The following RSPH4A variants were observed in gnomAD, a reference collection of about 807,000 sequenced individuals.
The protein encoded by RSPH4A is radial spoke head component 4A.
Under a neutral mutation model 71.0 loss-of-function variants are expected in RSPH4A, and 47 were observed. That is an observed-to-expected ratio of 0.66 (90% CI 0.52 to 0.84). The LOEUF (loss-of-function observed/expected upper bound fraction) is 0.84. RSPH4A is among the 40% of genes least tolerant of loss of function. RSPH4A has a pLI of 0.00. For synonymous variants in RSPH4A, 282 were observed against 302.3 expected (o/e 0.93, Z 0.70); for missense variants, 793 against 855.2 (o/e 0.93, Z 0.91).
In RSPH4A at chr6:116,632,662, T is replaced by A; in HGVS notation, c.*221T>A. ...CTCACAGGATTTTCCAGAGGCTAAA[T>A]AACATGCAATTGCATAATTGTTCTG... On this transcript the variant is annotated 3_prime_UTR_variant, in exon 6 of 6. Coordinates refer to ENST00000229554, the MANE Select transcript of RSPH4A (RefSeq NM_001010892.3). 4 of 535,262 alleles carry A rather than the reference T, an allele frequency of 7.5e-6. No homozygotes were observed. The highest frequency in any genetic ancestry group is 1.3e-5 in the Non-Finnish European group (4 of 304,976). 33.2% of individuals were successfully genotyped at this position (535,262 alleles called of 1,614,324 possible). A position where few individuals can be genotyped will look rare whatever the true frequency, so the allele number is the denominator to read the frequency against.
In RSPH4A at chr6:116,616,858, A is replaced by G; in HGVS notation, c.235A>G (p.Thr79Ala). 2 of 1,614,116 alleles carry G rather than the reference A, an allele frequency of 1.2e-6. No individual in the cohort carries two copies. The highest frequency in any genetic ancestry group is 2.2e-5 in the East Asian group (1 of 44,864). ...TPLGGPAGPE[T>A]SSPAPVSPRE... ...TCTGGGTGGCCCCGCGGGACCAGAA[A>G]CATCATCACCTGCTCCTGTCTCTCC... The change falls in exon 1 of 6, where the codon ACA (threonine) becomes GCA (alanine). Residue 79 changes from threonine (T) to alanine (A), a missense_variant. Transcript: ENST00000229554.
Position 116,628,027 on chromosome 6 carries a change from AT to A in RSPH4A, c.1321del (p.Trp441GlyfsTer2). ...TTGTTTGCAATGAACCAGGAAGACCATGGGTGAAGTTACCACCAGTTATACC... is the reference window on the plus strand; with the variant it reads ...TTGTTTGCAATGAACCAGGAAGACCAGGGTGAAGTTACCACCAGTTATACC... Reference protein sequence around the residue: ...YFVCNEPGRPWVKLPPVIPAQ... With the variant: ...YFVCNEPGRPXVKLPPVIPAQ... On this transcript the variant is annotated frameshift_variant, in exon 3 of 6. Coordinates refer to ENST00000229554, the MANE Select transcript of RSPH4A (RefSeq NM_001010892.3). LOFTEE classifies it high-confidence loss of function. 6.2e-7 allele frequency: 1 copy of A among 1,614,228 alleles called. No individual in the cohort carries two copies. The highest frequency in any genetic ancestry group is 2.2e-5 in the East Asian group (1 of 44,880).
At chr6:116,619,843 C>T (rs1183400651) in intron 1 of RSPH4A, among the ~76,000 whole-genome samples, 2 of 152,110 alleles carry the variant, frequency 1.3e-5, no homozygotes, top group African/African-American at 2.4e-5. Flanking sequence ...CTCAGCCTCC[C>T]AAGTAGCTGG....
intron 2 of RSPH4A, among the ~76,000 whole-genome samples, chr6:116,626,343 CT>C (rs1190434142): frequency 6.6e-6 from 1 of 152,008 alleles, no homozygotes; most frequent in African/African-American, 2.4e-5. Flanking sequence ...AAATGTGTTT[CT>C]TTTTTTCTTT....
In RSPH4A at chr6:116,616,526, C is replaced by A; in HGVS notation, c.-98C>A. ...CACAGAGCAACCAGGACCCAGAAAT[C>A]GCTTAAGAGACCGCGGCAAAGTAAC... On this transcript the variant is annotated 5_prime_UTR_variant, in exon 1 of 6. Coordinates refer to ENST00000229554, the MANE Select transcript of RSPH4A (RefSeq NM_001010892.3). 1 of 1,057,850 alleles carries A rather than the reference C, an allele frequency of 9.5e-7. No homozygotes were observed. The highest frequency in any genetic ancestry group is 1.4e-6 in the Non-Finnish European group (1 of 700,504). 65.5% of individuals were successfully genotyped at this position (1,057,850 alleles called of 1,614,324 possible).
chr6:116,630,057 C>G (rs147479068), intron 4 of RSPH4A, among the ~76,000 whole-genome samples: 86 of 152,258 alleles, frequency 5.6e-4, no homozygotes, highest in African/African-American at 2.0e-3. Context: ...ACTCTCATTC[C>G]TATATTCTTG....
chr6:116,620,525 C>T (rs1215194272), intron 1 of RSPH4A, among the ~76,000 whole-genome samples: 1 of 152,140 alleles, frequency 6.6e-6, no homozygotes, highest in African/African-American at 2.4e-5. Flanking sequence ...ATTGAACTAA[C>T]AGGCTATAGG....
intron 1 of RSPH4A, 40 bp downstream of exon 1, chr6:116,617,349 C>A: frequency 6.9e-7 from 1 of 1,457,036 alleles, no homozygotes; most frequent in Admixed American, 1.8e-5. Context: ...TTTGGCAAAG[C>A]AAGAGGGTGT....
rs371216757 is a variant in RSPH4A, at chr6:116,622,799, A to G, written c.718A>G (p.Ile240Val). ...TCATCTTTCTAATATGTTGACCAAG[A>G]TATTAAATGAGCGTCCTGAAAATGC... ...YDHLSNMLTK[I>V]LNERPENAVD... Residue 240 changes from isoleucine to valine, a missense_variant, in exon 2 of 6, where the codon ATA becomes GTA. Physicochemically the swap from Ile to Val is conservative, Grantham distance 29. Transcript: ENST00000229554. 1.2e-6 allele frequency: 2 copies of G among 1,609,840 alleles called. No individual in the cohort carries two copies. The highest frequency in any genetic ancestry group is 1.1e-5 in the South Asian group (1 of 90,952).
rs1775503699 is a variant in RSPH4A, at chr6:116,616,500, T to G, written c.-124T>G. 1 of 862,348 alleles carries G rather than the reference T, an allele frequency of 1.2e-6. No individual in the cohort carries two copies. Among genetic ancestry groups the G allele is most frequent in the African/African-American group, 1.7e-5 (1 of 59,164 alleles). The allele number at this position is 862,348 out of a possible 1,614,324, so 53.4% of individuals were successfully genotyped here. ...TGCTATGGAGATAGGACGCAGCAAC[T>G]CACAGAGCAACCAGGACCCAGAAAT... On this transcript the variant is annotated 5_prime_UTR_variant, in exon 1 of 6. Coordinates refer to ENST00000229554, the MANE Select transcript of RSPH4A (RefSeq NM_001010892.3).
intron 1 of RSPH4A, among the ~76,000 whole-genome samples, chr6:116,617,990 C>T (rs983058288): frequency 1.3e-5 from 2 of 152,134 alleles, no homozygotes; most frequent in African/African-American, 4.8e-5. Flanking sequence ...TCCAGAGTTA[C>T]ATAATGATAG....
In RSPH4A at chr6:116,632,561, A is replaced by G. The variant is rs567041438; in HGVS notation, c.*120A>G. 1.5e-5 allele frequency: 19 copies of G among 1,264,216 alleles called. No individual in the cohort carries two copies. The African/African-American group carries it at 2.7e-4, about 18-fold the overall frequency. 78.3% of individuals were successfully genotyped at this position (1,264,216 alleles called of 1,614,324 possible). The stretch of plus-strand genomic sequence containing the variant: ...TACATACACATGTAAGAAATTATTC[A>G]ACTGCAAAATCTCAATCTTGAAAAT... On this transcript the variant is annotated 3_prime_UTR_variant, in exon 6 of 6. Coordinates refer to ENST00000229554, the MANE Select transcript of RSPH4A (RefSeq NM_001010892.3).
intron 1 of RSPH4A, among the ~76,000 whole-genome samples, chr6:116,619,252 C>T (rs763467699): frequency 5.3e-5 from 8 of 152,076 alleles, no homozygotes; most frequent in Non-Finnish European, 4.4e-5. Context: ...CCAGCAAGGC[C>T]TAACCAGATT....
In RSPH4A at chr6:116,627,781, G is replaced by C; in HGVS notation, c.1074G>C (p.Lys358Asn). Residue 358 changes from lysine to asparagine, a missense_variant, in exon 3 of 6, where the codon AAG becomes AAC. Transcript: ENST00000229554. Reference sequence around the variant, plus strand: ...TCCAAAGATGCCGCTTCTGGGGAAAGATCTTGGGTCTGGAAATGAATTATA... The same window carrying C: ...TCCAAAGATGCCGCTTCTGGGGAAACATCTTGGGTCTGGAAATGAATTATA... Reference protein sequence around the residue: ...HPIQRCRFWGKILGLEMNYIV... With the variant: ...HPIQRCRFWGNILGLEMNYIV... 2.5e-6 allele frequency: 4 copies of C among 1,614,170 alleles called. No homozygotes were observed. The highest frequency in any genetic ancestry group is 3.4e-6 in the Non-Finnish European group (4 of 1,180,044).
In RSPH4A at chr6:116,627,702, A is replaced by G. The variant is rs746372487; in HGVS notation, c.995A>G (p.Asp332Gly). Residue 332 changes from aspartate to glycine, a missense_variant, in exon 3 of 6, where the codon GAT (aspartate) becomes GGT (glycine). Transcript: ENST00000229554. ...FEQAGVGLGT[D>G]ETYRIFLALK... ...CAAGCTGGAGTTGGTTTGGGCACAG[A>G]TGAGACATACCGCATATTTCTTGCC... 3.1e-6 allele frequency: 5 copies of G among 1,614,204 alleles called. No homozygotes were observed. In the South Asian group the frequency reaches 5.5e-5, roughly 18 times the overall value.
Position 116,616,842 on chromosome 6 carries a change from C to T in RSPH4A, c.219C>T (p.Gly73=). ...PQSRAKTPLG[G]PAGPETSSPA... ...CTAGAGCCAAGACGCCTCTGGGTGG[C>T]CCCGCGGGACCAGAAACATCATCAC... Residue 73 remains glycine (G), a synonymous_variant, in exon 1 of 6, where the codon GGC becomes GGT. Coordinates refer to ENST00000229554, the MANE Select transcript of RSPH4A (RefSeq NM_001010892.3). 1.2e-6 allele frequency: 2 copies of T among 1,614,076 alleles called. No individual in the cohort carries two copies. The highest frequency in any genetic ancestry group is 4.5e-5 in the East Asian group (2 of 44,868).
intron 5 of RSPH4A, among the ~76,000 whole-genome samples, chr6:116,630,846 T>TTTG (rs1562393136): frequency 8.1e-5 from 6 of 73,940 alleles, no homozygotes; most frequent in Non-Finnish European, 1.6e-4. Context: ...CTAATTTTTG[T>TTTG]ATTTTTTTTT....
Position 116,632,397 on chromosome 6 carries a change from G to A in RSPH4A, c.2107G>A (p.Glu703Lys). The A allele has an allele frequency of 1.9e-6, 3 of 1,613,946 alleles. No homozygotes were observed. Among genetic ancestry groups the A allele is most frequent in the Non-Finnish European group, 2.5e-6 (3 of 1,179,948 alleles). The change falls in exon 6 of 6, where the codon GAA (glutamate) becomes AAA (lysine). Residue 703 changes from glutamate (E) to lysine (K), a missense_variant. Physicochemically the swap from Glu to Lys is moderately conservative, Grantham distance 56 (BLOSUM62 1). Coordinates refer to ENST00000229554, the MANE Select transcript of RSPH4A (RefSeq NM_001010892.3). The stretch of plus-strand genomic sequence containing the variant: ...AGCAGTTCTACTCGCAGCTGAGAAT[G>A]AAGAATCTGAGGAAGATGAAGATGA... ...QEAVLLAAENEESEEDEDEED... is the reference protein window; with the variant it reads ...QEAVLLAAENKESEEDEDEED...
chr6:116,630,396 G>C (rs1562392776), intron 4 of RSPH4A, 39 bp from the exon 5 acceptor site: 1 of 1,042,138 alleles, frequency 9.6e-7, no homozygotes. Flanking sequence ...TTCTTGTCTA[G>C]TTAGGAATTA....
Sources: gnomAD v4.1 joint callset for allele counts (sites outside exome capture counted in the v4.1 genomes callset) on GRCh38, gnomAD v4.1.1 for gene constraint, MANE v1.5 for transcripts, NCBI Gene and HGNC (gene_info 2026-07-23, HGNC 2026-07-21) for gene names.